LARGE1: variants seen among roughly 807,000 people sequenced by gnomAD.
The protein encoded by LARGE1 is xylosyl- and glucuronyltransferase LARGE1.
Under a neutral mutation model 87.6 loss-of-function variants are expected in LARGE1, and 43 were observed. The ratio of observed to expected loss-of-function variants is 0.49; its 90% CI spans 0.38 to 0.63. The LOEUF is 0.63. LARGE1 is among the 30% of genes least tolerant of loss of function. The pLI, the probability that LARGE1 is intolerant of heterozygous loss-of-function variation, is 0.00. For synonymous variants in LARGE1, 434 were observed against 394.6 expected (o/e 1.10, Z -1.18); for missense variants, 802 against 1,000.2 (o/e 0.80, Z 2.67).
At chr22:33,187,163 C>A (rs575624024) in intron 11 of LARGE1, among the ~76,000 whole-genome samples, 1 of 152,104 alleles carries the variant, frequency 6.6e-6, no homozygotes, top group Non-Finnish European at 1.5e-5. Context: ...GAAATGAAAC[C>A]GATTTGTTGA....
At chr22:33,143,427 A>G in the LARGE1 span, among the ~76,000 whole-genome samples, 1 of 152,192 alleles carries the variant, frequency 6.6e-6, no homozygotes, top group Non-Finnish European at 1.5e-5. Context: ...AAGCAGATAT[A>G]TCAGTAATAG....
intron 9 of LARGE1, among the ~76,000 whole-genome samples, chr22:33,352,764 G>A (rs1441070181): frequency 4.6e-5 from 7 of 151,844 alleles, no homozygotes; most frequent in East Asian, 1.9e-4. Flanking sequence ...TCCATTCCCC[G>A]ACCCCCACCA....
intron 9 of LARGE1, among the ~76,000 whole-genome samples, chr22:33,361,736 T>C (rs1364078154): frequency 6.7e-6 from 1 of 149,590 alleles, no homozygotes; most frequent in African/African-American, 2.5e-5. Flanking sequence ...GAGTCCCTCC[T>C]CTTTAGAGTC....
intron 7 of LARGE1, among the ~76,000 whole-genome samples, chr22:33,402,401 A>T (rs1456271973): frequency 6.6e-6 from 1 of 152,200 alleles, no homozygotes; most frequent in Non-Finnish European, 1.5e-5. Flanking sequence ...TCTTGATGCT[A>T]GATTTGGTAC....
chr22:33,170,619 C>G (rs1259010308), intron 11 of LARGE1, among the ~76,000 whole-genome samples: 1 of 152,122 alleles, frequency 6.6e-6, no homozygotes, highest in East Asian at 1.9e-4. Flanking sequence ...CTCTCCTGCC[C>G]CCTTGGGAAG....
chr22:33,728,157 T>C (rs1466465506), intron 2 of LARGE1, among the ~76,000 whole-genome samples: 2 of 151,942 alleles, frequency 1.3e-5, no homozygotes, highest in African/African-American at 2.4e-5. Flanking sequence ...CCAACTCCAC[T>C]TGTAGTATCC....
chr22:33,716,805 T>C lies in LARGE1; in HGVS notation c.106+44566A>G, dbSNP rs546835937. On this transcript the variant is annotated intron_variant, in intron 2 of 14. Coordinates refer to ENST00000397394, the MANE Select transcript of LARGE1 (RefSeq NM_133642.5). ...TGTTTAACAACCGGTTCCTAGGAAG[T>C]GGATAAATTTTACTGTTGGCTCATA... is the stretch of plus-strand genomic sequence containing the variant. 8.3e-4 allele frequency among the ~76,000 whole-genome samples: 127 copies of C among 152,154 alleles called. 1 individual carries two copies. Among genetic ancestry groups the C allele is most frequent in the Non-Finnish European group, 7.9e-4 (54 of 67,990 alleles).
chr22:33,088,834 A>AT, the LARGE1 span, among the ~76,000 whole-genome samples: 2 of 152,146 alleles, frequency 1.3e-5, no homozygotes, highest in Non-Finnish European at 1.5e-5. Context: ...GCCATGTCTC[A>AT]TTTTTCTCAT....
At chr22:33,310,333 A>C (rs1433204744) in intron 11 of LARGE1, among the ~76,000 whole-genome samples, 4 of 152,164 alleles carry the variant, frequency 2.6e-5, no homozygotes, top group Non-Finnish European at 5.9e-5. Context: ...ATCTTTGTCA[A>C]AAACACACTA....
At chr22:33,379,174 C>CT (rs11300534) in intron 9 of LARGE1, among the ~76,000 whole-genome samples, 13,138 of 137,310 alleles carry the variant, frequency 0.096, 746 homozygotes, top group South Asian at 0.26. Context: ...TGGGGAAGTT[C>CT]TTTTTTTTTT....
intron 1 of LARGE1, among the ~76,000 whole-genome samples, chr22:33,857,217 C>A (rs2063780808): frequency 1.3e-5 from 2 of 152,178 alleles, no homozygotes; most frequent in Non-Finnish European, 2.9e-5. Context: ...CGCACCCAGC[C>A]TAAAAGAACA....
At position 33,364,046 on chromosome 22, in the gene LARGE1, A is replaced by C. The variant is rs957473663; in HGVS notation, c.1131+17873T>G. ...GGTCTCAGAGTCCTGGTCAAAGTGC[A>C]TCTTTGCTATATATTTTTTTTTTTT... On this transcript the variant is annotated intron_variant, in intron 9 of 14. Transcript: ENST00000397394. Among the ~76,000 whole-genome samples the C allele has an allele frequency of 2.2e-5, 3 of 137,632 alleles. 1 individual carries two copies. 90.3% of individuals were successfully genotyped at this position (137,632 alleles called of 152,430 possible).
intron 1 of LARGE1, among the ~76,000 whole-genome samples, chr22:33,875,556 G>A (rs1019420351): frequency 6.6e-6 from 1 of 152,192 alleles, no homozygotes; most frequent in Non-Finnish European, 1.5e-5. Flanking sequence ...CATGCCTGCT[G>A]CATCCTCTGA....
At chr22:33,796,954 A>G (rs1601637996) in intron 1 of LARGE1, among the ~76,000 whole-genome samples, 1 of 151,906 alleles carries the variant, frequency 6.6e-6, no homozygotes, top group East Asian at 1.9e-4. Context: ...TAGTAGAGAC[A>G]AGGTTCACCA....
chr22:33,563,291 T>C (rs2077917479), intron 6 of LARGE1: 1 of 152,208 alleles, frequency 6.6e-6, no homozygotes, highest in African/African-American at 2.4e-5. Flanking sequence ...AATTAGGAGC[T>C]CCTCCGTGAC....
chr22:33,835,531 C>G (rs1274109403), intron 1 of LARGE1, among the ~76,000 whole-genome samples: 4 of 152,326 alleles, frequency 2.6e-5, no homozygotes, highest in Admixed American at 2.6e-4. Context: ...TCTGAGCTGC[C>G]TAACAGAGAC....
chr22:33,072,702 G>T, the LARGE1 span, among the ~76,000 whole-genome samples: 14 of 152,264 alleles, frequency 9.2e-5, no homozygotes, highest in East Asian at 2.7e-3. Flanking sequence ...GGTCAGTGAT[G>T]GAGCACTTCT....
chr22:33,189,206 C>T (rs1923647382), intron 11 of LARGE1, among the ~76,000 whole-genome samples: 1 of 152,178 alleles, frequency 6.6e-6, no homozygotes, highest in African/African-American at 2.4e-5. Flanking sequence ...CACAGGACAA[C>T]ATCCTGATAA....
chr22:33,681,537 T>C lies in LARGE1; in HGVS notation c.107-30869A>G, dbSNP rs150961385. Reference sequence around the variant, plus strand: ...TTAAAACAGATAACATACATAAAGTTCTCAGAACAGTACCTGGCACATGAG... The same window carrying C: ...TTAAAACAGATAACATACATAAAGTCCTCAGAACAGTACCTGGCACATGAG... On this transcript the variant is annotated intron_variant, in intron 2 of 14. Transcript: ENST00000397394. 7.7e-3 allele frequency among the ~76,000 whole-genome samples: 1,178 copies of C among 152,284 alleles called. 14 individuals are homozygous for C. The highest frequency in any genetic ancestry group is 0.026 in the African/African-American group (1,074 of 41,544).
Sources: gnomAD v4.1 joint callset for allele counts (sites outside exome capture counted in the v4.1 genomes callset) on GRCh38, gnomAD v4.1.1 for gene constraint, MANE v1.5 for transcripts, NCBI Gene and HGNC (gene_info 2026-07-23, HGNC 2026-07-21) for gene names.